APBB2: variants seen among roughly 807,000 people sequenced by gnomAD.
APBB2 encodes the protein Fe65-like 1.
A neutral mutation model predicts 82.5 loss-of-function variants in APBB2; 38 were observed. The ratio of observed to expected loss-of-function variants is 0.46; its 90% CI spans 0.36 to 0.60. The LOEUF is 0.60. Among genes scored for constraint, APBB2 ranks in the 20% least tolerant of loss-of-function variants. The pLI, the probability that APBB2 is intolerant of heterozygous loss-of-function variation, is 0.00. For synonymous variants in APBB2, 341 were observed against 368.2 expected, an observed-to-expected ratio of 0.93 and a Z score of 0.85; for missense variants, 772 against 972.3, an observed-to-expected ratio of 0.79 and a Z score of 2.74.
chr4:41,143,189 A>G (rs1050052098), intron 1 of APBB2, 47 bp from the exon 2 acceptor site: 2 of 152,232 alleles, frequency 1.3e-5, no homozygotes, highest in African/African-American at 4.8e-5. Flanking sequence ...CAAAGTCATC[A>G]ACTTTCTCTC....
chr4:41,107,631 A>C (rs1333917558), intron 2 of APBB2, among the ~76,000 whole-genome samples: 1 of 152,254 alleles, frequency 6.6e-6, no homozygotes, highest in Non-Finnish European at 1.5e-5. Context: ...GAGTTCTGGC[A>C]GACCAGCTCA....
intron 4 of APBB2, among the ~76,000 whole-genome samples, chr4:41,041,181 C>T (rs1721318262): frequency 6.6e-6 from 1 of 152,078 alleles, no homozygotes; most frequent in Non-Finnish European, 1.5e-5. Context: ...TGCCCGGCTA[C>T]ATGTGTGAAA....
rs1744669148 is a variant in APBB2, at chr4:40,812,782, A to C, written c.*3310T>G. 1.3e-5 allele frequency: 2 copies of C among 152,372 alleles called. No individual in the cohort carries two copies. The highest frequency in any genetic ancestry group is 4.1e-4 in the South Asian group (2 of 4,832). 9.4% of individuals were successfully genotyped at this position (152,372 alleles called of 1,614,324 possible). A position where few individuals can be genotyped will look rare whatever the true frequency, so the allele number is the denominator to read the frequency against. On this transcript the variant is annotated 3_prime_UTR_variant, in exon 18 of 18. Transcript: ENST00000508593. ...AAAAGAAGTAGCAGTGCCACAGTTT[A>C]TCACCAAGAACTTATTTTAATGGAA...
Position 40,899,830 on chromosome 4 carries a change from C to A in APBB2, c.1255-6419G>T, listed in dbSNP as rs1010652880. On this transcript the variant is annotated intron_variant, in intron 10 of 17. Coordinates refer to ENST00000508593, the MANE Select transcript of APBB2 (RefSeq NM_004307.2). ...AAACTGGGGGATCTCCTTCAGGGAC[C>A]AGGTGGGGCAGGGGATGCAGTGAGG... 7.2e-5 allele frequency among the ~76,000 whole-genome samples: 11 copies of A among 152,214 alleles called. No homozygotes were observed. In the South Asian group the frequency reaches 1.9e-3, roughly 26 times the overall value.
intron 6 of APBB2, among the ~76,000 whole-genome samples, chr4:41,009,709 C>T (rs574030252): frequency 6.6e-6 from 1 of 152,152 alleles, no homozygotes; most frequent in Non-Finnish European, 1.5e-5. Context: ...AGCAAGTCAA[C>T]AGACAACTAT....
At chr4:41,176,965 T>C (rs887291271) in intron 1 of APBB2, among the ~76,000 whole-genome samples, 1 of 147,786 alleles carries the variant, frequency 6.8e-6, no homozygotes, top group Non-Finnish European at 1.5e-5. Context: ...ATTACACAAA[T>C]GCAATTGAAT....
intron 2 of APBB2, among the ~76,000 whole-genome samples, chr4:41,134,395 T>A (rs12504535): frequency 1.3e-5 from 2 of 151,740 alleles, no homozygotes. Context: ...CTGGCTAACA[T>A]GGTGAAACCC....
At chr4:40,987,511 A>AT (rs932317882) in intron 6 of APBB2, among the ~76,000 whole-genome samples, 144 of 151,326 alleles carry the variant, frequency 9.5e-4, no homozygotes, top group African/African-American at 3.2e-3. Flanking sequence ...TTCATATTTC[A>AT]TTTTTTTTTA....
intron 6 of APBB2, among the ~76,000 whole-genome samples, chr4:40,971,480 C>G (rs752560552): frequency 6.6e-6 from 1 of 152,186 alleles, no homozygotes; most frequent in Non-Finnish European, 1.5e-5. Context: ...TATGCAGAAG[C>G]AGGAGGAGCT....
intron 2 of APBB2, among the ~76,000 whole-genome samples, chr4:41,106,633 C>T (rs912035829): frequency 1.3e-5 from 2 of 152,118 alleles, no homozygotes; most frequent in East Asian, 1.9e-4. Context: ...CCCGCCACCA[C>T]GCCAGGCTAA....
chr4:41,018,060 T>C (rs919433088), intron 5 of APBB2, among the ~76,000 whole-genome samples: 6 of 152,226 alleles, frequency 3.9e-5, no homozygotes, highest in African/African-American at 9.6e-5. Context: ...CTACACCTCA[T>C]TGAGTTTTGC....
At chr4:41,078,449 T>C (rs1235275590) in intron 3 of APBB2, among the ~76,000 whole-genome samples, 2 of 152,200 alleles carry the variant, frequency 1.3e-5, no homozygotes, top group Non-Finnish European at 2.9e-5. Context: ...ATAAGACAAA[T>C]TGATAATGTG....
rs1379651091 is a variant in APBB2 at position 41,127,831 on chromosome 4, G to C, written c.-261+15156C>G. 6.6e-6 allele frequency among the ~76,000 whole-genome samples: 1 copy of C among 152,096 alleles called. No individual in the cohort carries two copies. The highest frequency in any genetic ancestry group is 2.4e-5 in the African/African-American group (1 of 41,418). On this transcript the variant is annotated intron_variant, in intron 2 of 17. Coordinates refer to ENST00000508593, the MANE Select transcript of APBB2 (RefSeq NM_004307.2). The surrounding 1 kb of genome is among the most constrained non-coding windows in gnomAD (Gnocchi z 4.8). ...GCGATGGCTCATGCTTGTAATCCCA[G>C]CACTTTGGGAGGCGGAGGCGGGTGG...
Position 40,985,581 on chromosome 4 carries a change from T to C in APBB2, c.835+28002A>G, listed in dbSNP as rs146261113. 5.8e-3 allele frequency among the ~76,000 whole-genome samples: 888 copies of C among 152,312 alleles called. 3 individuals carry two copies. The highest frequency in any genetic ancestry group is 9.6e-3 in the Non-Finnish European group (655 of 68,014). On this transcript the variant is annotated intron_variant, in intron 6 of 17. Coordinates refer to ENST00000508593, the MANE Select transcript of APBB2 (RefSeq NM_004307.2). ...TATCTTTTAAAACCCACTTTAGTTA[T>C]ATTGAATTTCATGTTCAATACACCG... is the stretch of plus-strand genomic sequence containing the variant.
At chr4:40,946,191 C>T (rs529858950) in intron 6 of APBB2, among the ~76,000 whole-genome samples, 42 of 140,492 alleles carry the variant, frequency 3.0e-4, no homozygotes, top group Admixed American at 1.1e-3. Context: ...GAGATCACAC[C>T]GTTGCGCTCC....
At chr4:40,875,638 G>T (rs1289279030) in intron 12 of APBB2, among the ~76,000 whole-genome samples, 1 of 152,164 alleles carries the variant, frequency 6.6e-6, no homozygotes, top group Non-Finnish European at 1.5e-5. Context: ...ATTCAGACCA[G>T]CTACATTTCA....
intron 1 of APBB2, chr4:41,177,740 G>T (rs996203377): frequency 2.0e-5 from 3 of 152,180 alleles, no homozygotes; most frequent in Non-Finnish European, 4.4e-5. Flanking sequence ...AACAGTGGTT[G>T]TTGGGAGTTA....
intron 1 of APBB2, among the ~76,000 whole-genome samples, chr4:41,180,758 CTTGA>C (rs1203212037): frequency 1.3e-5 from 2 of 152,158 alleles, no homozygotes; most frequent in Non-Finnish European, 2.9e-5. Flanking sequence ...ATCACTTTAC[CTTGA>C]TTGTCTACAA....
intron 3 of APBB2, among the ~76,000 whole-genome samples, chr4:41,082,746 A>G (rs1383247951): frequency 1.3e-5 from 2 of 152,176 alleles, no homozygotes; most frequent in African/African-American, 2.4e-5. Flanking sequence ...AAAATATGCA[A>G]AAGAGTTGTT....
Sources: allele counts gnomAD v4.1 joint callset (sites outside exome capture counted in the v4.1 genomes callset), GRCh38; gene constraint gnomAD v4.1.1; non-coding constraint Gnocchi (gnomAD v3.1); transcripts MANE v1.5; gene names NCBI Gene and HGNC (gene_info 2026-07-23, HGNC 2026-07-21).